Variants in PLVAP observed in about 807,000 individuals in gnomAD.
The protein encoded by PLVAP is plasmalemma vesicle-associated protein.
Under a neutral mutation model 43.1 loss-of-function variants are expected in PLVAP, and 34 were observed. The observed-to-expected ratio is 0.79, with a 90% CI of 0.60 to 1.05. The LOEUF (loss-of-function observed/expected upper bound fraction) is 1.05, where lower values mean the gene tolerates loss of function less well. Among genes scored for constraint, PLVAP ranks in the 50% least tolerant of loss-of-function variants. PLVAP has a pLI of 0.00. For synonymous variants in PLVAP, 241 were observed against 237.3 expected (o/e 1.02, Z -0.14); for missense variants, 574 against 593.4 (o/e 0.97, Z 0.34).
intron 1 of PLVAP, among the ~76,000 whole-genome samples, chr19:17,372,429 T>C (rs1368922964): frequency 6.7e-6 from 1 of 149,186 alleles, no homozygotes; most frequent in Middle Eastern, 3.2e-3. Flanking sequence ...ATAATAATAA[T>C]AAAATAATTA....
intron 1 of PLVAP, among the ~76,000 whole-genome samples, chr19:17,369,070 G>T (rs753824859): frequency 3.1e-4 from 47 of 152,158 alleles, no homozygotes; most frequent in Admixed American, 7.2e-4. Flanking sequence ...CTTTGATCTT[G>T]GTACCACCCA....
At chr19:17,358,370 T>C (rs2074514950) in intron 5 of PLVAP, among the ~76,000 whole-genome samples, 1 of 151,794 alleles carries the variant, frequency 6.6e-6, no homozygotes, top group Non-Finnish European at 1.5e-5. Flanking sequence ...AGAAATCCCA[T>C]ATTAGCCCTC....
intron 5 of PLVAP, among the ~76,000 whole-genome samples, chr19:17,358,267 G>GAAAA (rs71336606): frequency 2.3e-5 from 3 of 128,570 alleles, no homozygotes; most frequent in Admixed American, 7.8e-5. Flanking sequence ...ATGCAAGAAG[G>GAAAA]AAAAAAAAAA....
At chr19:17,354,019 G>A (rs1231253527) in intron 5 of PLVAP, among the ~76,000 whole-genome samples, 1 of 152,192 alleles carries the variant, frequency 6.6e-6, no homozygotes, top group Non-Finnish European at 1.5e-5. Flanking sequence ...GCCGGGCGCG[G>A]TGGCTCATGC....
At position 17,377,057 on chromosome 19, in the gene PLVAP, T is replaced by G; in HGVS notation, c.232A>C (p.Thr78Pro). 1 of 1,614,110 alleles carries G rather than the reference T, an allele frequency of 6.2e-7. No homozygotes were observed. The highest frequency in any genetic ancestry group is 8.5e-7 in the Non-Finnish European group (1 of 1,180,012). Residue 78 changes from threonine to proline, a missense_variant, in exon 1 of 6, where the codon ACG becomes CCG. Coordinates refer to ENST00000252590, the MANE Select transcript of PLVAP (RefSeq NM_031310.3). ...TTGGTCAAGTTGGACTGGGAGGCCG[T>G]GAGCCCTAGGAGCTGACTGTATAGG... ...EGLYSQLLGL[T>P]ASQSNLTKEL...
Position 17,365,965 on chromosome 19 carries a change from G to A in PLVAP, c.500C>T (p.Thr167Met), listed in dbSNP as rs539585301. 2.8e-5 allele frequency: 45 copies of A among 1,613,696 alleles called. No homozygotes were observed. In the South Asian group the frequency reaches 3.2e-4, roughly 11 times the overall value. Reference protein sequence around the residue: ...LLFMLNQKVKTLEVEIAKEKT... With the variant: ...LLFMLNQKVKMLEVEIAKEKT... ...CTCCTTGGCTATCTCCACCTCCAGC[G>A]TCTTCACCTTCTGATTCAGCATGAA... Residue 167 changes from threonine to methionine, a missense_variant, in exon 3 of 6, where the codon ACG becomes ATG. Coordinates refer to ENST00000252590, the MANE Select transcript of PLVAP (RefSeq NM_031310.3).
At chr19:17,361,268 G>T (rs572866680) in intron 3 of PLVAP, among the ~76,000 whole-genome samples, 87 of 152,074 alleles carry the variant, frequency 5.7e-4, no homozygotes, top group Middle Eastern at 3.4e-3. Flanking sequence ...GTCCTTCCAG[G>T]GCAGGGTAAC....
chr19:17,357,959 G>A (rs1414051054), intron 5 of PLVAP, among the ~76,000 whole-genome samples: 2 of 152,188 alleles, frequency 1.3e-5, no homozygotes, highest in South Asian at 2.1e-4. Context: ...CTGGGAGCCC[G>A]GGCCTGGCCC....
chr19:17,353,070 G>A (rs891103034), intron 5 of PLVAP, among the ~76,000 whole-genome samples: 5 of 152,192 alleles, frequency 3.3e-5, no homozygotes, highest in South Asian at 2.1e-4. Flanking sequence ...AGGTTCCTGC[G>A]AGGGGTCAGG....
chr19:17,375,531 G>GA (rs1330391378), intron 1 of PLVAP, among the ~76,000 whole-genome samples: 1 of 151,998 alleles, frequency 6.6e-6, no homozygotes, highest in African/African-American at 2.4e-5. Context: ...GGTGAGCCTA[G>GA]GAGTTCAAGA....
Position 17,365,397 on chromosome 19 carries a change from C to T in PLVAP, c.1068G>A (p.Lys356=), listed in dbSNP as rs776662915. 2.5e-6 allele frequency: 4 copies of T among 1,613,146 alleles called. No individual in the cohort carries two copies. Among genetic ancestry groups the T allele is most frequent in the African/African-American group, 1.3e-5 (1 of 74,930 alleles). The change falls in exon 3 of 6, where the codon AAG becomes AAA. Residue 356 remains lysine, a synonymous_variant. Coordinates refer to ENST00000252590, the MANE Select transcript of PLVAP (RefSeq NM_031310.3). ...LALEEKAVLR[K]ERDNLAKELE... Reference sequence around the variant, plus strand: ...GCTCCTTGGCCAGGTTGTCTCGTTCCTTCCGCAGCACCGCCTTCTCCTCCA... The same window carrying T: ...GCTCCTTGGCCAGGTTGTCTCGTTCTTTCCGCAGCACCGCCTTCTCCTCCA...
At chr19:17,360,503 A>G (rs768369974) in intron 5 of PLVAP, 25 bp downstream of exon 5, 1 of 1,605,392 alleles carries the variant, frequency 6.2e-7, no homozygotes, top group Non-Finnish European at 8.5e-7. Context: ...AAGACTGAAC[A>G]ACTGCAGTCT....
At chr19:17,363,410 G>A (rs900499018) in intron 3 of PLVAP, among the ~76,000 whole-genome samples, 14 of 152,074 alleles carry the variant, frequency 9.2e-5, no homozygotes, top group East Asian at 7.7e-4. Context: ...CAGGTGATCC[G>A]CCCACATTGG....
intron 1 of PLVAP, 99 bp from the exon 2 acceptor site, chr19:17,366,294 T>C: frequency 8.9e-7 from 1 of 1,128,196 alleles, no homozygotes; most frequent in Non-Finnish European, 1.3e-6. Flanking sequence ...CAGAGTGAGC[T>C]GAGTTCACAA....
chr19:17,356,051 G>A (rs2074505407), intron 5 of PLVAP, among the ~76,000 whole-genome samples: 1 of 152,008 alleles, frequency 6.6e-6, no homozygotes, highest in Admixed American at 6.6e-5. Context: ...GCTCATGCCT[G>A]TAATCCCAGA....
chr19:17,358,819 A>G lies in PLVAP; in HGVS notation c.1322+1709T>C, dbSNP rs563806453. ...AGAGACTATCTTTTTTTTTTTTCCA[A>G]GACAGGATCTCACTCTGTCTCCCAG... On this transcript the variant is annotated intron_variant, in intron 5 of 5. Transcript: ENST00000252590. 8.8e-4 allele frequency among the ~76,000 whole-genome samples: 81 copies of G among 92,208 alleles called. 1 individual carries two copies. The highest frequency in any genetic ancestry group is 5.0e-3 in the African/African-American group (78 of 15,494). 60.5% of individuals were successfully genotyped at this position (92,208 alleles called of 152,430 possible).
At position 17,359,693 on chromosome 19, in the gene PLVAP, CT is replaced by C. The variant is rs10617408; in HGVS notation, c.1322+834del. Among the ~76,000 whole-genome samples the C allele has an allele frequency of 6.5e-4, 76 of 116,118 alleles. 1 individual carries two copies. Among genetic ancestry groups the C allele is most frequent in the East Asian group, 1.7e-3 (6 of 3,622 alleles). The allele number at this position is 116,118 out of a possible 152,430, so 76.2% of individuals were successfully genotyped here. A position where few individuals can be genotyped will look rare whatever the true frequency, so the allele number is the denominator to read the frequency against. The stretch of plus-strand genomic sequence containing the variant: ...AGGCGTAAGCCACCGTACCCGGCCT[CT>C]TTTTTTTTTTTTTTTTCTGACACAG... On this transcript the variant is annotated intron_variant, in intron 5 of 5. Transcript: ENST00000252590.
intron 1 of PLVAP, among the ~76,000 whole-genome samples, chr19:17,376,099 G>T (rs1313178099): frequency 1.3e-5 from 2 of 151,844 alleles, no homozygotes; most frequent in African/African-American, 4.8e-5. Flanking sequence ...GATTGCTGGA[G>T]CCCAGGATGT....
intron 1 of PLVAP, among the ~76,000 whole-genome samples, chr19:17,375,751 C>A (rs771561480): frequency 1.3e-5 from 2 of 151,972 alleles, no homozygotes; most frequent in Non-Finnish European, 2.9e-5. Context: ...CATGGTTGCA[C>A]ACGCCTGTAA....
Sources: allele counts gnomAD v4.1 joint callset (sites outside exome capture counted in the v4.1 genomes callset), GRCh38; gene constraint gnomAD v4.1.1; transcripts MANE v1.5; gene names NCBI Gene and HGNC (gene_info 2026-07-23, HGNC 2026-07-21).